Variants in MICAL2 observed in about 807,000 individuals in gnomAD.
MICAL2 encodes [F-actin]-monooxygenase MICAL2.
Under a neutral mutation model 127.3 loss-of-function variants are expected in MICAL2, and 77 were observed. That is an observed-to-expected ratio of 0.60 (90% CI 0.50 to 0.73). The LOEUF (loss-of-function observed/expected upper bound fraction) is 0.73. Among genes scored for constraint, MICAL2 ranks in the 30% least tolerant of loss-of-function variants. MICAL2 has a pLI of 0.00. For synonymous variants in MICAL2, 570 were observed against 551.1 expected (o/e 1.03, Z -0.48); for missense variants, 1,351 against 1,434.4 (o/e 0.94, Z 0.94).
chr11:12,227,721 A>G (rs1228861109), intron 15 of MICAL2, among the ~76,000 whole-genome samples: 1 of 152,236 alleles, frequency 6.6e-6, no homozygotes, highest in Non-Finnish European at 1.5e-5. Flanking sequence ...TTCTCAACTT[A>G]TAGCACCCTT....
chr11:12,347,383 A>G (rs1938971776), intron 32 of MICAL2, among the ~76,000 whole-genome samples: 1 of 152,198 alleles, frequency 6.6e-6, no homozygotes. Flanking sequence ...GGTAGGCACA[A>G]TGCCTCACTA....
Position 12,270,038 on chromosome 11 carries a change from C to T in MICAL2, c.3335-5948C>T, listed in dbSNP as rs149709753. Among the ~76,000 whole-genome samples the T allele has an allele frequency of 1.3e-4, 20 of 152,340 alleles. No homozygotes were observed. The East Asian group carries it at 3.9e-3, about 29-fold the overall frequency. On this transcript the variant is annotated intron_variant, in intron 24 of 34. Transcript: ENST00000646065. ...TGAGGGCAGCCAGCCCATCTTGGTA[C>T]CTGTGCCTTTTCCCTAAAGGGCCAC...
chr11:12,208,287 T>C (rs934211130), intron 5 of MICAL2, 148 bp downstream of exon 5: 26 of 608,690 alleles, frequency 4.3e-5, no homozygotes, highest in Non-Finnish European at 6.6e-5. Flanking sequence ...TACTGTTTTT[T>C]TTTTACCATT....
At chr11:12,245,582 A>G (rs1441967890) in intron 21 of MICAL2, among the ~76,000 whole-genome samples, 1 of 152,232 alleles carries the variant, frequency 6.6e-6, no homozygotes, top group Non-Finnish European at 1.5e-5. Context: ...AAACGCTAAC[A>G]GGATCTTCAA....
chr11:12,232,776 T>C (rs1858473157), intron 15 of MICAL2, among the ~76,000 whole-genome samples: 1 of 152,202 alleles, frequency 6.6e-6, no homozygotes. Context: ...TCACTAATAG[T>C]GTCTAATACT....
At chr11:12,139,404 C>T (rs1399597719) in intron 2 of MICAL2, among the ~76,000 whole-genome samples, 5 of 152,108 alleles carry the variant, frequency 3.3e-5, no homozygotes, top group African/African-American at 9.7e-5. Context: ...TGAAGAGGCT[C>T]AGTTTAGTTG....
In MICAL2 at chr11:12,138,676, C is replaced by G. The variant is rs535871694; in HGVS notation, c.-78+216C>G. ...CACTGAGTTAGGGTTTGTTCACCTG[C>G]TTGTCCCACCTACCGGCTGTGGGAG... On this transcript the variant is annotated intron_variant, in intron 2 of 27. Coordinates refer to ENST00000683283, the MANE Select transcript of MICAL2 (RefSeq NM_001282663.2). 1.6e-4 allele frequency among the ~76,000 whole-genome samples: 24 copies of G among 152,306 alleles called. No individual in the cohort carries two copies. The South Asian group carries it at 2.1e-3, about 13-fold the overall frequency.
intron 3 of MICAL2, among the ~76,000 whole-genome samples, chr11:12,167,884 C>T (rs1158254335): frequency 6.6e-6 from 1 of 152,168 alleles, no homozygotes; most frequent in African/African-American, 2.4e-5. Flanking sequence ...ATCCAATTCA[C>T]AGCAATGTCA....
At chr11:12,126,804 G>A (rs1446258416) in intron 1 of MICAL2, among the ~76,000 whole-genome samples, 2 of 152,092 alleles carry the variant, frequency 1.3e-5, no homozygotes, top group Admixed American at 6.6e-5. Flanking sequence ...ATGTCCATCT[G>A]CCTGAAGGAG....
chr11:12,219,584 A>T (rs889799341), intron 8 of MICAL2, among the ~76,000 whole-genome samples: 1 of 151,182 alleles, frequency 6.6e-6, no homozygotes, highest in African/African-American at 2.4e-5. Flanking sequence ...TCGGCCCATC[A>T]AGTAAAGGGG....
chr11:12,177,150 C>T (rs1367607571), intron 3 of MICAL2, among the ~76,000 whole-genome samples: 1 of 152,204 alleles, frequency 6.6e-6, no homozygotes, highest in Non-Finnish European at 1.5e-5. Context: ...ATTTTCTCCA[C>T]ATCCTCATCA....
chr11:12,244,039 C>T lies in MICAL2; in HGVS notation c.2711C>T (p.Ser904Phe). The T allele has an allele frequency of 6.2e-7, 1 of 1,614,004 alleles. No individual in the cohort carries two copies. The highest frequency in any genetic ancestry group is 8.5e-7 in the Non-Finnish European group (1 of 1,179,828). Residue 904 changes from serine (S) to phenylalanine (F), a missense_variant, in exon 21 of 28, where the codon TCT becomes TTT. This residue lies in a region of MICAL2 where 752 missense variants were observed against 719.4 expected (regional missense o/e 1.05). Transcript: ENST00000683283. ...LSHTHPPSPP[S>F]RLPSPDPAAS... ...CATACTCATCCTCCATCTCCTCCCT[C>T]TCGCCTTCCGTCTCCTGATCCAGCT... is the stretch of plus-strand genomic sequence containing the variant.
At chr11:12,275,778 ACGCCCTACATGTG>A (rs1863717255), upstream of MICAL2, among the ~76,000 whole-genome samples, 12 of 152,286 alleles carry the variant, frequency 7.9e-5, no homozygotes, top group Middle Eastern at 0.014. Flanking sequence ...CTGTGCATTC[ACGCCCTACATGTG>A]GGAAATATGC....
intron 2 of MICAL2, among the ~76,000 whole-genome samples, chr11:12,155,417 T>C (rs1854065331): frequency 6.6e-6 from 1 of 152,120 alleles, no homozygotes; most frequent in South Asian, 2.1e-4. Context: ...ACATATACCA[T>C]ATATACACAA....
At chr11:12,230,348 G>C (rs980970356) in intron 15 of MICAL2, among the ~76,000 whole-genome samples, 3 of 152,030 alleles carry the variant, frequency 2.0e-5, no homozygotes, top group Non-Finnish European at 2.9e-5. Context: ...GTACATAAAG[G>C]CTCCCTCACA....
At chr11:12,292,200 T>G, downstream of MICAL2, 2 of 1,614,112 alleles carry the variant, frequency 1.2e-6, no homozygotes, top group Non-Finnish European at 1.7e-6. Flanking sequence ...TCTCCTTCTC[T>G]TCCTCTTCCT....
At chr11:12,176,218 A>G (rs1187014032) in intron 3 of MICAL2, among the ~76,000 whole-genome samples, 1 of 152,184 alleles carries the variant, frequency 6.6e-6, no homozygotes, top group Non-Finnish European at 1.5e-5. Context: ...AGACTTGGCC[A>G]TTCTGATTTA....
At chr11:12,208,291 T>A in intron 5 of MICAL2, 152 bp downstream of exon 5, 1 of 569,640 alleles carries the variant, frequency 1.8e-6, no homozygotes, top group Non-Finnish European at 3.1e-6. Context: ...GTTTTTTTTT[T>A]ACCATTGCTA....
intron 2 of MICAL2, among the ~76,000 whole-genome samples, chr11:12,157,173 C>A (rs532092772): frequency 1.3e-5 from 2 of 152,306 alleles, no homozygotes; most frequent in East Asian, 3.9e-4. Flanking sequence ...TTTATCAAAA[C>A]CCTGGTTGCA....
Sources: allele counts gnomAD v4.1 joint callset (sites outside exome capture counted in the v4.1 genomes callset), GRCh38; gene constraint gnomAD v4.1.1; regional missense constraint gnomAD v4.1.1; transcripts MANE v1.5; gene names NCBI Gene and HGNC (gene_info 2026-07-23, HGNC 2026-07-21).